ATF7IP: variants seen among roughly 807,000 people sequenced by gnomAD.
ATF7IP encodes the protein activating transcription factor 7-interacting protein 1.
A neutral mutation model predicts 106.4 loss-of-function variants in ATF7IP; 23 were observed. The ratio of observed to expected loss-of-function variants is 0.22; its 90% CI spans 0.16 to 0.31. The LOEUF (loss-of-function observed/expected upper bound fraction) is 0.31. Among genes scored for constraint, ATF7IP ranks in the 10% least tolerant of loss-of-function variants. ATF7IP has a pLI of 1.00. For missense variants in ATF7IP, 1,334 were observed against 1,524.3 expected, an observed-to-expected ratio of 0.88 and a Z score of 2.08; for synonymous variants, 542 against 539.0, an observed-to-expected ratio of 1.01 and a Z score of -0.08.
At chr12:14,472,866 A>G (rs1490476728) in intron 10 of ATF7IP, among the ~76,000 whole-genome samples, 1 of 152,176 alleles carries the variant, frequency 6.6e-6, no homozygotes, top group African/African-American at 2.4e-5. Context: ...GCTAAAATGA[A>G]ATACCTGAGA....
chr12:14,406,831 A>T (rs1197574833), intron 1 of ATF7IP, among the ~76,000 whole-genome samples: 1 of 151,866 alleles, frequency 6.6e-6, no homozygotes, highest in African/African-American at 2.4e-5. Flanking sequence ...TGACATTGTG[A>T]TCCACCCACC....
At chr12:14,406,511 TAAG>T (rs1940587668) in intron 1 of ATF7IP, among the ~76,000 whole-genome samples, 2 of 152,232 alleles carry the variant, frequency 1.3e-5, no homozygotes, top group South Asian at 4.1e-4. Context: ...CAGTATAAGT[TAAG>T]AACTATTTTA....
intron 10 of ATF7IP, among the ~76,000 whole-genome samples, chr12:14,471,017 C>T (rs1202172345): frequency 6.6e-6 from 1 of 151,886 alleles, no homozygotes; most frequent in African/African-American, 2.4e-5. Flanking sequence ...TCATGTAGTT[C>T]CTTGTCATTT....
intron 1 of ATF7IP, among the ~76,000 whole-genome samples, chr12:14,397,120 C>T (rs1343458651): frequency 6.6e-6 from 1 of 152,106 alleles, no homozygotes; most frequent in East Asian, 1.9e-4. Flanking sequence ...CAAGATCGCA[C>T]CATTGCACTC....
At chr12:14,436,795 T>A (rs74543692) in intron 4 of ATF7IP, among the ~76,000 whole-genome samples, 46,177 of 148,160 alleles carry the variant, frequency 0.31, 8,143 homozygotes, top group Admixed American at 0.45. Flanking sequence ...TTTTTTTTTT[T>A]AAAAAAGGTT....
chr12:14,420,678 G>T (rs1353358340), intron 1 of ATF7IP, among the ~76,000 whole-genome samples: 1 of 152,134 alleles, frequency 6.6e-6, no homozygotes, highest in Non-Finnish European at 1.5e-5. Context: ...TAGTGAGGGG[G>T]GATGTTTGGA....
At chr12:14,405,385 G>A (rs1043438317) in intron 1 of ATF7IP, among the ~76,000 whole-genome samples, 2 of 143,158 alleles carry the variant, frequency 1.4e-5, no homozygotes, top group African/African-American at 5.0e-5. Flanking sequence ...AGAGGATTTA[G>A]GGTCTTTTTT....
chr12:14,426,699 G>A (rs1200635963), intron 2 of ATF7IP, among the ~76,000 whole-genome samples: 1 of 150,982 alleles, frequency 6.6e-6, no homozygotes, highest in Non-Finnish European at 1.5e-5. Context: ...GGTGGCACTT[G>A]TCTGTAGTCC....
chr12:14,480,422 A>T (rs1446668066), intron 12 of ATF7IP, among the ~76,000 whole-genome samples: 1 of 152,190 alleles, frequency 6.6e-6, no homozygotes, highest in Non-Finnish European at 1.5e-5. Context: ...AGAAGGGAGA[A>T]GTCTGTTGTT....
chr12:14,404,432 A>G (rs1940440429), intron 1 of ATF7IP, among the ~76,000 whole-genome samples: 1 of 152,186 alleles, frequency 6.6e-6, no homozygotes, highest in Admixed American at 6.5e-5. Flanking sequence ...ACCTATCTTT[A>G]TTATTGCTTA....
intron 1 of ATF7IP, among the ~76,000 whole-genome samples, chr12:14,388,213 C>G (rs1177549631): frequency 6.6e-6 from 1 of 151,588 alleles, no homozygotes; most frequent in African/African-American, 2.4e-5. Flanking sequence ...CCATGCCTGG[C>G]TAATTTTTAT....
At chr12:14,433,890 A>C (rs1226961811) in intron 2 of ATF7IP, among the ~76,000 whole-genome samples, 1 of 152,124 alleles carries the variant, frequency 6.6e-6, no homozygotes, top group African/African-American at 2.4e-5. Context: ...AACTCTCTAT[A>C]CCATAAGCAT....
Position 14,424,726 on chromosome 12 carries a change from A to G in ATF7IP, c.811A>G (p.Thr271Ala), listed in dbSNP as rs994572790. The change falls in exon 2 of 15, where the codon ACT becomes GCT. Residue 271 changes from threonine to alanine, a missense_variant. Coordinates refer to ENST00000261168, the MANE Select transcript of ATF7IP (RefSeq NM_018179.5). ...TGAACTGGCCTCTGATGATCTGGCC[A>G]CTGGTGAACTGGCCTCTGATGAGCT... Reference protein sequence around the residue: ...SSELASDDLATGELASDELTS... With the variant: ...SSELASDDLAAGELASDELTS... The G allele has an allele frequency of 1.2e-6, 2 of 1,614,100 alleles. No individual in the cohort carries two copies. Among genetic ancestry groups the G allele is most frequent in the South Asian group, 1.1e-5 (1 of 91,086 alleles).
intron 6 of ATF7IP, among the ~76,000 whole-genome samples, chr12:14,455,847 C>A (rs1173499061): frequency 1.3e-5 from 2 of 152,110 alleles, no homozygotes; most frequent in Non-Finnish European, 2.9e-5. Context: ...TCTCAGCCTC[C>A]CAACGTGCTA....
chr12:14,407,555 C>T (rs1489590700), intron 1 of ATF7IP, among the ~76,000 whole-genome samples: 2 of 152,024 alleles, frequency 1.3e-5, no homozygotes, highest in African/African-American at 2.4e-5. Flanking sequence ...GCCTATTAAG[C>T]ATTATTAGGC....
chr12:14,380,796 T>A (rs1168275388), intron 1 of ATF7IP, among the ~76,000 whole-genome samples: 1 of 152,168 alleles, frequency 6.6e-6, no homozygotes, highest in Non-Finnish European at 1.5e-5. Context: ...ATTTTTGTAT[T>A]TTTAGTAGAG....
chr12:14,424,541 C>G lies in ATF7IP; in HGVS notation c.626C>G (p.Pro209Arg). 6.2e-7 allele frequency: 1 copy of G among 1,614,174 alleles called. No homozygotes were observed. The highest frequency in any genetic ancestry group is 8.5e-7 in the Non-Finnish European group (1 of 1,180,030). ...TCTGGTGATCCCACCTCTAGTGATCCCATCCCAGGTGAACCGGTCCCTGTT... is the reference window on the plus strand; with the variant it reads ...TCTGGTGATCCCACCTCTAGTGATCGCATCCCAGGTGAACCGGTCCCTGTT... ...LSSGDPTSSD[P>R]IPGEPVPVEP... The change falls in exon 2 of 15, where the codon CCC becomes CGC. Residue 209 changes from proline (P) to arginine (R), a missense_variant. Physicochemically the swap from Pro to Arg is moderately radical, Grantham distance 103. Coordinates refer to ENST00000261168, the MANE Select transcript of ATF7IP (RefSeq NM_018179.5).
At chr12:14,414,867 T>C (rs907874393) in intron 1 of ATF7IP, among the ~76,000 whole-genome samples, 2 of 152,226 alleles carry the variant, frequency 1.3e-5, no homozygotes, top group African/African-American at 4.8e-5. Flanking sequence ...TACCTCATTC[T>C]GGGTGTTTTA....
Position 14,425,213 on chromosome 12 carries a change from A to G in ATF7IP, c.1298A>G (p.Asp433Gly), listed in dbSNP as rs775982080. The change falls in exon 2 of 15, where the codon GAT becomes GGT. Residue 433 changes from aspartate (D) to glycine (G), a missense_variant. By Grantham distance (94) the Asp-to-Gly change is moderately conservative. Transcript: ENST00000261168. The stretch of plus-strand genomic sequence containing the variant: ...GAAAATACAGACTCTATGGAGACAG[A>G]TGAAATCATTCCTATTTTGGAAAAG... ...ILENTDSMETDEIIPILEKLA... is the reference protein window; with the variant it reads ...ILENTDSMETGEIIPILEKLA... 1 of 1,594,136 alleles carries G rather than the reference A, an allele frequency of 6.3e-7. No individual in the cohort carries two copies. Among genetic ancestry groups the G allele is most frequent in the Non-Finnish European group, 8.5e-7 (1 of 1,174,448 alleles).
Sources: gnomAD v4.1 joint callset for allele counts (sites outside exome capture counted in the v4.1 genomes callset) on GRCh38, gnomAD v4.1.1 for gene constraint, MANE v1.5 for transcripts, NCBI Gene and HGNC (gene_info 2026-07-23, HGNC 2026-07-21) for gene names.